STRBP: variants seen among roughly 807,000 people sequenced by gnomAD.
STRBP encodes the protein spermatid perinuclear RNA-binding protein.
Under a neutral mutation model 80.1 loss-of-function variants are expected in STRBP, and 13 were observed. The observed-to-expected ratio is 0.16, with a 90% CI of 0.11 to 0.26. The LOEUF (loss-of-function observed/expected upper bound fraction) is 0.26. STRBP is among the 10% of genes least tolerant of loss of function. The pLI is 1.00. For missense variants in STRBP, 485 were observed against 815.2 expected (o/e 0.59, Z 4.93); for synonymous variants, 284 against 291.2 (o/e 0.98, Z 0.25).
At chr9:123,253,849 A>C (rs2040966732) in intron 1 of STRBP, among the ~76,000 whole-genome samples, 1 of 152,200 alleles carries the variant, frequency 6.6e-6, no homozygotes, top group African/African-American at 2.4e-5. Flanking sequence ...AGTCGACCTT[A>C]CTTGTCACAG....
chr9:123,169,752 A>G, intron 6 of STRBP, 150 bp downstream of exon 6: 1 of 409,148 alleles, frequency 2.4e-6, no homozygotes, highest in East Asian at 5.1e-5. Flanking sequence ...AAACAAAGCC[A>G]TTTAAAATAC....
intron 2 of STRBP, among the ~76,000 whole-genome samples, chr9:123,189,455 G>A (rs565699667): frequency 6.3e-5 from 9 of 142,910 alleles, no homozygotes; most frequent in African/African-American, 1.5e-4. Context: ...AAAACTTGAA[G>A]TATAATAATA....
intron 2 of STRBP, among the ~76,000 whole-genome samples, chr9:123,189,294 T>C (rs1351462739): frequency 1.3e-4 from 13 of 103,096 alleles, no homozygotes; most frequent in Non-Finnish European, 2.0e-4. Context: ...GAACATCACA[T>C]ACCAGGGCCT....
At chr9:123,233,722 T>C (rs970638220) in intron 2 of STRBP, among the ~76,000 whole-genome samples, 5 of 152,346 alleles carry the variant, frequency 3.3e-5, no homozygotes, top group Non-Finnish European at 4.4e-5. Context: ...TTGATTTACA[T>C]GGGAAAGTCT....
chr9:123,233,120 T>C (rs1030324293), intron 2 of STRBP, among the ~76,000 whole-genome samples: 1 of 152,190 alleles, frequency 6.6e-6, no homozygotes, highest in Admixed American at 6.5e-5. Flanking sequence ...TCATCTATGC[T>C]GGGAGTGCAG....
At position 123,257,413 on chromosome 9, in the gene STRBP, C is replaced by CACAA. The variant is rs781454577; in HGVS notation, c.-302+11019_-302+11022dup. Among the ~76,000 whole-genome samples, 1,402 of 151,738 alleles carry CACAA rather than the reference C, an allele frequency of 9.2e-3. 5 individuals are homozygous for CACAA. The highest frequency in any genetic ancestry group is 0.014 in the Non-Finnish European group (984 of 67,954). ...CTTAGGTACTTACCTTTTTAAAACA[C>CACAA]ACAAACACACACACACACACACACA... On this transcript the variant is annotated intron_variant, in intron 1 of 18. Transcript: ENST00000348403.
chr9:123,200,028 TA>T (rs1420694939), intron 2 of STRBP, among the ~76,000 whole-genome samples: 1 of 152,214 alleles, frequency 6.6e-6, no homozygotes, highest in African/African-American at 2.4e-5. Flanking sequence ...TTTATTATTT[TA>T]AGGTAGGTCC....
intron 1 of STRBP, among the ~76,000 whole-genome samples, chr9:123,264,857 G>A (rs2041235019): frequency 6.6e-6 from 1 of 152,124 alleles, no homozygotes; most frequent in African/African-American, 2.4e-5. Flanking sequence ...AGAAAGTAGT[G>A]CGCACCCCAA....
intron 2 of STRBP, among the ~76,000 whole-genome samples, chr9:123,187,862 T>C (rs2038764063): frequency 6.6e-6 from 1 of 150,668 alleles, no homozygotes; most frequent in Admixed American, 6.7e-5. Flanking sequence ...TGTTGATACA[T>C]TATTATTAAC....
chr9:123,250,153 A>C (rs138268852), intron 1 of STRBP, among the ~76,000 whole-genome samples: 92 of 152,350 alleles, frequency 6.0e-4, no homozygotes, highest in African/African-American at 2.1e-3. Flanking sequence ...AAATTATCTG[A>C]AAAAGCTATT....
chr9:123,231,474 C>A (rs2040396419), intron 2 of STRBP, among the ~76,000 whole-genome samples: 1 of 152,186 alleles, frequency 6.6e-6, no homozygotes, highest in African/African-American at 2.4e-5. Context: ...ACAGTACCCT[C>A]ATAGTTATCA....
chr9:123,232,472 A>G (rs2040425316), intron 2 of STRBP, among the ~76,000 whole-genome samples: 1 of 152,040 alleles, frequency 6.6e-6, no homozygotes, highest in African/African-American at 2.4e-5. Context: ...ACAGCCCCAT[A>G]CTTGTTCTGG....
At chr9:123,262,497 TTTA>T (rs1283428148) in intron 1 of STRBP, among the ~76,000 whole-genome samples, 1 of 152,180 alleles carries the variant, frequency 6.6e-6, no homozygotes, top group Non-Finnish European at 1.5e-5. Context: ...TGCCTCAGAA[TTTA>T]TTACACAACC....
chr9:123,121,576 A>G (rs2035733601), downstream of STRBP: 1 of 151,342 alleles, frequency 6.6e-6, no homozygotes, highest in African/African-American at 2.4e-5. Flanking sequence ...AGCTCAGTCA[A>G]TTATATACTT....
rs116988017 is a variant in STRBP, at chr9:123,240,816, T to C, written c.-301-3850A>G. ...TGTCTATATACAAATCACCACACTA[T>C]ATCAACAATCCTGACCTCCGCCTGG... is the stretch of plus-strand genomic sequence containing the variant. On this transcript the variant is annotated intron_variant, in intron 1 of 18. Coordinates refer to ENST00000348403, the MANE Select transcript of STRBP (RefSeq NM_018387.5). Among the ~76,000 whole-genome samples the C allele has an allele frequency of 6.6e-5, 10 of 152,266 alleles. No homozygotes were observed. The East Asian group carries it at 1.7e-3, about 26-fold the overall frequency.
At chr9:123,111,443 A>G (rs1036511668) in intron 3 of STRBP, 3 of 297,518 alleles carry the variant, frequency 1.0e-5, no homozygotes, top group Non-Finnish European at 2.1e-5. Flanking sequence ...GACTCGCAAA[A>G]GCGGCAGAAA....
At chr9:123,261,276 C>A (rs2041156156) in intron 1 of STRBP, among the ~76,000 whole-genome samples, 3 of 152,290 alleles carry the variant, frequency 2.0e-5, no homozygotes, top group Admixed American at 2.0e-4. Context: ...GACTTGTGTA[C>A]TCAACAGCTT....
chr9:123,142,073 T>C (rs1031756126), intron 13 of STRBP, among the ~76,000 whole-genome samples: 1 of 152,296 alleles, frequency 6.6e-6, no homozygotes, highest in Admixed American at 6.5e-5. Flanking sequence ...TCACCCTCCA[T>C]CACCCTTGGT....
intron 13 of STRBP, among the ~76,000 whole-genome samples, chr9:123,144,904 G>A (rs1322021057): frequency 1.3e-5 from 2 of 152,122 alleles, no homozygotes; most frequent in African/African-American, 4.8e-5. Context: ...ATATCCTATA[G>A]CTGATAAACC....
Sources: gnomAD v4.1 joint callset for allele counts (sites outside exome capture counted in the v4.1 genomes callset) on GRCh38, gnomAD v4.1.1 for gene constraint, MANE v1.5 for transcripts, NCBI Gene and HGNC (gene_info 2026-07-23, HGNC 2026-07-21) for gene names.